The following CELF4 variants were observed in gnomAD, a reference collection of about 807,000 sequenced individuals.
CELF4 encodes CUG-BP- and ETR-3-like factor 4.
In CELF4, 18 loss-of-function variants were observed where a neutral mutation model predicts 59.9. That is an observed-to-expected ratio of 0.30 (90% CI 0.21 to 0.45). The LOEUF (loss-of-function observed/expected upper bound fraction) is 0.45. Among genes scored for constraint, CELF4 ranks in the 20% least tolerant of loss-of-function variants. The pLI, the probability that CELF4 is intolerant of heterozygous loss-of-function variation, is 1.00. For missense variants in CELF4, 456 were observed against 689.0 expected (o/e 0.66, Z 3.79); for synonymous variants, 261 against 267.1 (o/e 0.98, Z 0.22).
chr18:37,244,704 A>G lies in CELF4; in HGVS notation c.*538T>C, dbSNP rs1240021518. 6.6e-6 allele frequency: 1 copy of G among 152,522 alleles called. No homozygotes were observed. Among genetic ancestry groups the G allele is most frequent in the Non-Finnish European group, 1.5e-5 (1 of 68,006 alleles). The allele number at this position is 152,522 out of a possible 1,614,324, so 9.4% of individuals were successfully genotyped here. A position where few individuals can be genotyped will look rare whatever the true frequency, so the allele number is the denominator to read the frequency against. ...CCCTCTATTTGACATAGAGCTACACATCTGCAATAAAAAGTTTGGTCCTTT... is the reference window on the plus strand; with the variant it reads ...CCCTCTATTTGACATAGAGCTACACGTCTGCAATAAAAAGTTTGGTCCTTT... On this transcript the variant is annotated 3_prime_UTR_variant, in exon 13 of 13. Transcript: ENST00000420428.
At chr18:37,388,168 C>T (rs2099119764) in intron 2 of CELF4, among the ~76,000 whole-genome samples, 1 of 152,020 alleles carries the variant, frequency 6.6e-6, no homozygotes, top group African/African-American at 2.4e-5. Flanking sequence ...AGGGGCTTCT[C>T]TAAAGGGAAA....
intron 2 of CELF4, among the ~76,000 whole-genome samples, chr18:37,390,925 T>C (rs1764190268): frequency 6.6e-6 from 1 of 151,896 alleles, no homozygotes. Flanking sequence ...TCAATCCTAA[T>C]GGAATGGAGC....
chr18:37,518,489 C>T (rs1041823666), intron 1 of CELF4, among the ~76,000 whole-genome samples: 2 of 152,120 alleles, frequency 1.3e-5, no homozygotes, highest in African/African-American at 4.8e-5. Flanking sequence ...AGACAGGAGT[C>T]AGGGAGAGAA....
intron 3 of CELF4, among the ~76,000 whole-genome samples, chr18:37,303,706 A>G (rs151152031): frequency 6.4e-4 from 97 of 152,310 alleles, no homozygotes; most frequent in African/African-American, 2.2e-3. Context: ...TGGCCCTGGC[A>G]TGGAAGCGTC....
At chr18:37,363,093 C>T (rs537827113) in intron 2 of CELF4, among the ~76,000 whole-genome samples, 84 of 152,320 alleles carry the variant, frequency 5.5e-4, no homozygotes, top group African/African-American at 2.0e-3. Context: ...AGAGAATTCA[C>T]CCCAGGAGCC....
At chr18:37,302,805 A>G (rs13380923) in intron 3 of CELF4, among the ~76,000 whole-genome samples, 3,793 of 152,248 alleles carry the variant, frequency 0.025, 145 homozygotes, top group African/African-American at 0.087. Context: ...TGGTGCGGGG[A>G]GCAGGCAGGC....
At chr18:37,393,063 G>A (rs2154578365) in intron 2 of CELF4, among the ~76,000 whole-genome samples, 1 of 41,816 alleles carries the variant, frequency 2.4e-5, no homozygotes, top group South Asian at 9.7e-4. Flanking sequence ...AGGGACTGCG[G>A]TGTGTTAGAG....
intron 2 of CELF4, among the ~76,000 whole-genome samples, chr18:37,326,258 C>T (rs986561251): frequency 1.3e-5 from 2 of 152,132 alleles, no homozygotes; most frequent in Admixed American, 1.3e-4. Context: ...GAGGGAAGAG[C>T]CAGGAGTGAG....
chr18:37,448,282 C>T (rs996367485), intron 2 of CELF4, among the ~76,000 whole-genome samples: 2 of 152,158 alleles, frequency 1.3e-5, no homozygotes, highest in African/African-American at 2.4e-5. Flanking sequence ...GGAATGAGTT[C>T]TCTGAGGAGG....
chr18:37,501,300 C>G (rs181863993), intron 1 of CELF4, among the ~76,000 whole-genome samples: 21 of 152,344 alleles, frequency 1.4e-4, no homozygotes, highest in Admixed American at 1.4e-3. Context: ...GGGAAAGTTC[C>G]AGAGAATGAA....
intron 8 of CELF4, among the ~76,000 whole-genome samples, chr18:37,268,579 G>A (rs568758370): frequency 1.3e-5 from 2 of 152,356 alleles, no homozygotes; most frequent in Non-Finnish European, 2.9e-5. Context: ...AGAGTATGAT[G>A]AAAAGAATGA....
At chr18:37,506,276 G>T (rs1443516510) in intron 1 of CELF4, among the ~76,000 whole-genome samples, 1 of 152,168 alleles carries the variant, frequency 6.6e-6, no homozygotes, top group African/African-American at 2.4e-5. Flanking sequence ...AAATAATTTA[G>T]GAAACAAGAA....
At chr18:37,550,088 G>GGA (rs1415916103) in intron 1 of CELF4, among the ~76,000 whole-genome samples, 2 of 128,174 alleles carry the variant, frequency 1.6e-5, no homozygotes, top group Admixed American at 7.9e-5. Flanking sequence ...ATGGGTGGGG[G>GGA]GGGGGGATCC....
intron 11 of CELF4, among the ~76,000 whole-genome samples, chr18:37,257,884 G>A (rs1376148341): frequency 5.3e-5 from 8 of 152,164 alleles, no homozygotes; most frequent in Admixed American, 5.2e-4. Context: ...AGGATGAGGA[G>A]GTCGGAGGGC....
chr18:37,435,922 G>A (rs2099690202), intron 2 of CELF4, among the ~76,000 whole-genome samples: 1 of 152,168 alleles, frequency 6.6e-6, no homozygotes, highest in African/African-American at 2.4e-5. Context: ...ATAAACCCAG[G>A]ACAGAGTGGT....
intron 2 of CELF4, among the ~76,000 whole-genome samples, chr18:37,380,851 C>A (rs980659382): frequency 2.9e-5 from 4 of 135,826 alleles, no homozygotes; most frequent in Non-Finnish European, 6.4e-5. Flanking sequence ...TTCCTCCATC[C>A]ATTTATCCAT....
At chr18:37,412,683 T>C (rs1264594012) in intron 2 of CELF4, among the ~76,000 whole-genome samples, 1 of 152,136 alleles carries the variant, frequency 6.6e-6, no homozygotes, top group Non-Finnish European at 1.5e-5. Context: ...TGCATGTGTG[T>C]ATGGACGGGT....
intron 2 of CELF4, among the ~76,000 whole-genome samples, chr18:37,329,120 C>T (rs2097438188): frequency 1.0e-5 from 1 of 99,574 alleles, no homozygotes; most frequent in African/African-American, 3.4e-5. Context: ...GCATTTACCT[C>T]CTATGCAGAG....
intron 2 of CELF4, among the ~76,000 whole-genome samples, chr18:37,340,020 C>T (rs1338239966): frequency 6.6e-6 from 1 of 152,192 alleles, no homozygotes; most frequent in Non-Finnish European, 1.5e-5. Flanking sequence ...AGCACGGCTG[C>T]GTTAAGCCCT....
Sources: allele counts gnomAD v4.1 joint callset (sites outside exome capture counted in the v4.1 genomes callset), GRCh38; gene constraint gnomAD v4.1.1; transcripts MANE v1.5; gene names NCBI Gene and HGNC (gene_info 2026-07-23, HGNC 2026-07-21).